The following SOX6 variants were observed in gnomAD, a reference collection of about 807,000 sequenced individuals.
SOX6 encodes transcription factor SOX-6.
In SOX6, 11 loss-of-function variants were observed where a neutral mutation model predicts 97.8. The observed-to-expected ratio is 0.11, with a 90% CI of 0.07 to 0.19. The LOEUF (loss-of-function observed/expected upper bound fraction) is 0.19. Ranked by LOEUF, SOX6 falls within the 10% of genes least tolerant of loss-of-function variation. The probability of loss-of-function intolerance (pLI) is 1.00; values close to 1 mark genes in which losing one functional copy is unlikely to be tolerated. For missense variants in SOX6, 810 were observed against 1,039.5 expected (o/e 0.78, Z 3.04); for synonymous variants, 360 against 371.4 (o/e 0.97, Z 0.35).
At chr11:16,159,490 G>A (rs1389316255) in intron 6 of SOX6, among the ~76,000 whole-genome samples, 1 of 151,898 alleles carries the variant, frequency 6.6e-6, no homozygotes, top group Non-Finnish European at 1.5e-5. Flanking sequence ...AGTATCAGTA[G>A]GTAATTTGAC....
chr11:16,176,141 A>G (rs910226194), intron 6 of SOX6, among the ~76,000 whole-genome samples: 2 of 151,620 alleles, frequency 1.3e-5, no homozygotes, highest in Admixed American at 6.6e-5. Context: ...GAGAGATTCA[A>G]CCTAAATCTA....
At chr11:16,065,535 A>G (rs889970080) in intron 9 of SOX6, among the ~76,000 whole-genome samples, 3 of 152,132 alleles carry the variant, frequency 2.0e-5, no homozygotes, top group Non-Finnish European at 2.9e-5. Flanking sequence ...TAACCAAAAC[A>G]GCATAGTACT....
chr11:16,368,312 T>C (rs1857409707), intron 1 of SOX6, among the ~76,000 whole-genome samples: 2 of 152,010 alleles, frequency 1.3e-5, no homozygotes, highest in African/African-American at 4.8e-5. Context: ...TAAAACCCCA[T>C]CTCTACAAAA....
chr11:16,460,954 C>T (rs958562229), intron 1 of SOX6, among the ~76,000 whole-genome samples: 4 of 152,068 alleles, frequency 2.6e-5, no homozygotes, highest in African/African-American at 9.7e-5. Context: ...TTATGTTATG[C>T]CTCTAATTCC....
intron 1 of SOX6, chr11:16,408,801 C>G (rs1858737280): frequency 6.6e-6 from 1 of 151,806 alleles, no homozygotes; most frequent in Non-Finnish European, 1.5e-5. Context: ...CTCAGGCTCC[C>G]TAGCAGTTGA....
chr11:16,310,704 T>C (rs1855575681), intron 3 of SOX6, among the ~76,000 whole-genome samples: 1 of 152,158 alleles, frequency 6.6e-6, no homozygotes, highest in South Asian at 2.1e-4. Context: ...CAATTTTGCG[T>C]GTTTTAATGA....
At chr11:16,178,699 G>A (rs1161061615) in intron 6 of SOX6, among the ~76,000 whole-genome samples, 2 of 151,890 alleles carry the variant, frequency 1.3e-5, no homozygotes, top group Non-Finnish European at 2.9e-5. Context: ...GTCCTTTTCA[G>A]AGAAAGTTGG....
intron 9 of SOX6, among the ~76,000 whole-genome samples, chr11:16,075,036 C>T (rs1269041208): frequency 2.0e-5 from 3 of 152,044 alleles, no homozygotes; most frequent in African/African-American, 7.2e-5. Flanking sequence ...AAAACAGACA[C>T]ATAGACCAAT....
chr11:16,323,393 T>G (rs1319019030), intron 2 of SOX6, among the ~76,000 whole-genome samples: 1 of 152,176 alleles, frequency 6.6e-6, no homozygotes, highest in Non-Finnish European at 1.5e-5. Context: ...AAACGAATAT[T>G]GTTCAGATTT....
At chr11:16,352,632 AT>A (rs907799774) in intron 1 of SOX6, among the ~76,000 whole-genome samples, 2 of 152,170 alleles carry the variant, frequency 1.3e-5, no homozygotes, top group Non-Finnish European at 2.9e-5. Flanking sequence ...AATTAAATAA[AT>A]TATTAACTAT....
At chr11:16,248,340 G>A (rs1301861305) in intron 3 of SOX6, among the ~76,000 whole-genome samples, 1 of 152,154 alleles carries the variant, frequency 6.6e-6, no homozygotes, top group Non-Finnish European at 1.5e-5. Context: ...CTACTAGGCA[G>A]TGCCCCAGTG....
At chr11:16,069,683 C>A (rs992320081) in intron 9 of SOX6, among the ~76,000 whole-genome samples, 1 of 152,072 alleles carries the variant, frequency 6.6e-6, no homozygotes, top group African/African-American at 2.4e-5. Flanking sequence ...ACATAAAGGG[C>A]CAAAAATTTG....
chr11:16,062,295 A>G (rs75773934), intron 9 of SOX6, among the ~76,000 whole-genome samples: 5,545 of 151,712 alleles, frequency 0.037, 128 homozygotes, highest in Middle Eastern at 0.15. Flanking sequence ...ATTTATTCTA[A>G]CCAAATAGCT....
intron 1 of SOX6, among the ~76,000 whole-genome samples, chr11:16,464,662 T>TTATATTA (rs1859994165): frequency 6.6e-6 from 1 of 152,180 alleles, no homozygotes; most frequent in African/African-American, 2.4e-5. Context: ...AGATGCTTCT[T>TTATATTA]GGTCATAGTT....
Position 16,539,592 on chromosome 11 carries a change from AAAGAG to A in SOX6, n.610-63209_610-63205del, listed in dbSNP as rs750073927. Among the ~76,000 whole-genome samples the A allele has an allele frequency of 1.7e-3, 260 of 152,302 alleles. 2 individuals are homozygous for A. The highest frequency in any genetic ancestry group is 3.1e-3 in the Non-Finnish European group (213 of 68,018). On this transcript the variant is annotated intron_variant and non_coding_transcript_variant, in intron 4 of 5. Transcript: ENST00000524520. ...CCACTAGCAAGACTAATAAAGAAGA[AAAGAG>A]AGAAGAAACAAATAGATGCAATAAA...
rs1463736676 is a variant in SOX6, at chr11:16,641,473, G to C, written n.430-29213C>G. Among the ~76,000 whole-genome samples the C allele has an allele frequency of 2.0e-5, 3 of 152,220 alleles. No homozygotes were observed. In the East Asian group the frequency reaches 5.8e-4, roughly 29 times the overall value. On this transcript the variant is annotated intron_variant and non_coding_transcript_variant, in intron 3 of 5. Coordinates refer to the SOX6 transcript ENST00000524520. ...TCCTGGATATCCTTGTTAACTTTCT[G>C]TCTCATTGATCTGTCTAATGTTGAC...
At chr11:16,167,818 C>A (rs534670496) in intron 6 of SOX6, among the ~76,000 whole-genome samples, 2 of 152,308 alleles carry the variant, frequency 1.3e-5, no homozygotes, top group East Asian at 3.9e-4. Context: ...TTTCCCATTC[C>A]CTTTCCTCCT....
At chr11:15,974,917 C>G (rs979386804) in intron 15 of SOX6, among the ~76,000 whole-genome samples, 3 of 152,112 alleles carry the variant, frequency 2.0e-5, no homozygotes, top group Admixed American at 2.0e-4. Flanking sequence ...GAAAATCAGA[C>G]CTTGCTTCAA....
intron 4 of SOX6, among the ~76,000 whole-genome samples, chr11:16,209,692 G>A (rs556804280): frequency 2.0e-5 from 3 of 152,210 alleles, no homozygotes; most frequent in Admixed American, 6.5e-5. Context: ...GGCGGAGATG[G>A]TAGTGAGCTA....
Sources: gnomAD v4.1 joint callset for allele counts (sites outside exome capture counted in the v4.1 genomes callset) on GRCh38, gnomAD v4.1.1 for gene constraint, MANE v1.5 for transcripts, NCBI Gene and HGNC (gene_info 2026-07-23, HGNC 2026-07-21) for gene names.